The following BCAR3 variants were observed in gnomAD, a reference collection of about 807,000 sequenced individuals.
The protein encoded by BCAR3 is BCAR3 adaptor protein, NSP family member, also known as breast cancer anti-estrogen resistance protein 3.
A neutral mutation model predicts 80.1 loss-of-function variants in BCAR3; 37 were observed. The ratio of observed to expected loss-of-function variants is 0.46; its 90% CI spans 0.36 to 0.61. BCAR3 has a LOEUF of 0.61. BCAR3 is among the 20% of genes least tolerant of loss of function. The pLI is 0.00. For missense variants in BCAR3, 978 were observed against 1,068.2 expected, an observed-to-expected ratio of 0.92 and a Z score of 1.18; for synonymous variants, 389 against 418.9, an observed-to-expected ratio of 0.93 and a Z score of 0.87.
chr1:93,662,204 G>T (rs973210525), intron 2 of BCAR3, among the ~76,000 whole-genome samples: 1 of 152,186 alleles, frequency 6.6e-6, no homozygotes, highest in Admixed American at 6.5e-5. Context: ...GACCAACTCC[G>T]ATGGTCAGAA....
At chr1:93,719,743 C>A in intron 2 of BCAR3, among the ~76,000 whole-genome samples, 1 of 152,108 alleles carries the variant, frequency 6.6e-6, no homozygotes, top group Admixed American at 6.6e-5. Context: ...GTCCTTTGAA[C>A]CTGTACATAG....
intron 2 of BCAR3, among the ~76,000 whole-genome samples, chr1:93,778,769 C>T (rs1652661574): frequency 6.6e-6 from 1 of 152,140 alleles, no homozygotes; most frequent in Non-Finnish European, 1.5e-5. Flanking sequence ...TCCTACTCAT[C>T]CTGCAGTTTA....
intron 2 of BCAR3, among the ~76,000 whole-genome samples, chr1:93,791,260 A>G (rs201409130): frequency 4.0e-5 from 3 of 74,100 alleles, no homozygotes; most frequent in Admixed American, 1.5e-4. Flanking sequence ...ACTAGTTTAC[A>G]GTCCCACCAA....
chr1:93,671,697 T>G (rs527815697), intron 2 of BCAR3, among the ~76,000 whole-genome samples: 2 of 152,322 alleles, frequency 1.3e-5, no homozygotes, highest in African/African-American at 4.8e-5. Flanking sequence ...AAAACCTCCT[T>G]CTCTAGAGCC....
At chr1:93,666,695 G>A (rs887050891) in intron 2 of BCAR3, among the ~76,000 whole-genome samples, 2 of 152,152 alleles carry the variant, frequency 1.3e-5, no homozygotes, top group Non-Finnish European at 2.9e-5. Flanking sequence ...GCAAAGGCTC[G>A]GGGCCCGTTC....
intron 3 of BCAR3, among the ~76,000 whole-genome samples, chr1:93,639,810 G>A (rs752593468): frequency 1.3e-5 from 2 of 152,050 alleles, no homozygotes; most frequent in Non-Finnish European, 2.9e-5. Flanking sequence ...GGGAGGGAGG[G>A]AGACCTGGGG....
chr1:93,831,583 G>A (rs761956346), intron 2 of BCAR3, among the ~76,000 whole-genome samples: 22 of 152,120 alleles, frequency 1.4e-4, no homozygotes, highest in Non-Finnish European at 2.2e-4. Flanking sequence ...TTCCTGAAGC[G>A]ACTCGTCCCA....
intron 3 of BCAR3, among the ~76,000 whole-genome samples, chr1:93,637,273 G>A (rs192100234): frequency 3.7e-4 from 57 of 152,010 alleles, no homozygotes; most frequent in African/African-American, 1.1e-3. Context: ...AGGTTCAAGC[G>A]ATTCTCCTGC....
intron 3 of BCAR3, among the ~76,000 whole-genome samples, chr1:93,689,251 T>C (rs1649083657): frequency 6.6e-6 from 1 of 151,294 alleles, no homozygotes; most frequent in Non-Finnish European, 1.5e-5. Flanking sequence ...CTTTGGGAGG[T>C]TGAGGCCAGT....
At chr1:93,729,369 G>A (rs932705721) in intron 2 of BCAR3, among the ~76,000 whole-genome samples, 4 of 152,044 alleles carry the variant, frequency 2.6e-5, no homozygotes, top group African/African-American at 9.7e-5. Flanking sequence ...ATCTCATGTA[G>A]TTTATTAAAT....
intron 3 of BCAR3, among the ~76,000 whole-genome samples, chr1:93,689,094 T>G (rs943388927): frequency 6.6e-6 from 1 of 152,202 alleles, no homozygotes; most frequent in Non-Finnish European, 1.5e-5. Flanking sequence ...TTACCAGGAC[T>G]TTCATCCTAG....
intron 3 of BCAR3, among the ~76,000 whole-genome samples, chr1:93,620,667 G>C (rs1675278636): frequency 6.6e-6 from 1 of 152,118 alleles, no homozygotes; most frequent in Non-Finnish European, 1.5e-5. Flanking sequence ...CTCCTGCCCT[G>C]GCCCTGCAAT....
At chr1:93,617,146 AG>A (rs1228080055) in intron 3 of BCAR3, among the ~76,000 whole-genome samples, 1 of 152,222 alleles carries the variant, frequency 6.6e-6, no homozygotes, top group Non-Finnish European at 1.5e-5. Context: ...AGCCATATTC[AG>A]CAGACACATG....
chr1:93,777,386 CT>C (rs1652596675), intron 2 of BCAR3, among the ~76,000 whole-genome samples: 1 of 136,920 alleles, frequency 7.3e-6, no homozygotes, highest in Non-Finnish European at 1.5e-5. Context: ...TCCTCTTCTT[CT>C]TCCTCTTCTT....
At chr1:93,748,353 C>A (rs981225943) in intron 2 of BCAR3, among the ~76,000 whole-genome samples, 1 of 152,168 alleles carries the variant, frequency 6.6e-6, no homozygotes, top group Admixed American at 6.5e-5. Flanking sequence ...TCTCCATTCA[C>A]GAAGGGTTGC....
chr1:93,798,159 T>C (rs1653345665), intron 2 of BCAR3, among the ~76,000 whole-genome samples: 2 of 152,170 alleles, frequency 1.3e-5, no homozygotes, highest in South Asian at 2.1e-4. Context: ...ATATAGGAAA[T>C]TGATATCCCA....
chr1:93,846,916 AC>A, intron 1 of BCAR3: 1 of 322,082 alleles, frequency 3.1e-6, no homozygotes, highest in Non-Finnish European at 6.1e-6. Context: ...TGCAACCCAA[AC>A]CCCGTTTTTC....
chr1:93,634,421 G>C (rs1249767136), intron 3 of BCAR3, among the ~76,000 whole-genome samples: 4 of 152,172 alleles, frequency 2.6e-5, no homozygotes, highest in Non-Finnish European at 4.4e-5. Context: ...GCTGGGCGCA[G>C]TGGCTCATGC....
intron 3 of BCAR3, chr1:93,602,254 T>C (rs1003603782): frequency 3.9e-5 from 6 of 152,028 alleles, no homozygotes; most frequent in Non-Finnish European, 8.8e-5. Context: ...CACCCGGCCA[T>C]TGGTCTAATT....
Sources: allele counts gnomAD v4.1 joint callset (sites outside exome capture counted in the v4.1 genomes callset), GRCh38; gene constraint gnomAD v4.1.1; transcripts MANE v1.5; gene names NCBI Gene and HGNC (gene_info 2026-07-23, HGNC 2026-07-21).